The following JPH2 variants were observed in gnomAD, a reference collection of about 807,000 sequenced individuals.
JPH2 encodes the protein junctophilin-2.
In JPH2, 38 loss-of-function variants were observed where a neutral mutation model predicts 55.9. That is an observed-to-expected ratio of 0.68 (90% confidence interval 0.52 to 0.89). The LOEUF (loss-of-function observed/expected upper bound fraction) is 0.89. Ranked by LOEUF, JPH2 falls within the 40% of genes least tolerant of loss-of-function variation. JPH2 has a pLI of 0.00. For missense variants in JPH2, 964 were observed against 1,037.6 expected (o/e 0.93, Z 0.97); for synonymous variants, 480 against 472.4 (o/e 1.02, Z -0.21).
chr20:44,130,143 C>T (rs1051874485), intron 2 of JPH2, among the ~76,000 whole-genome samples: 34 of 152,166 alleles, frequency 2.2e-4, no homozygotes, highest in African/African-American at 7.7e-4. Context: ...GCGGAAGAAA[C>T]GCAGGCTCAG....
intron 1 of JPH2, among the ~76,000 whole-genome samples, chr20:44,167,485 TG>T (rs2072665188): frequency 6.6e-6 from 1 of 152,186 alleles, no homozygotes; most frequent in Admixed American, 6.5e-5. Flanking sequence ...TGGACAGCAC[TG>T]GCTGCCAAGG....
intron 2 of JPH2, among the ~76,000 whole-genome samples, chr20:44,146,495 T>A (rs1026354712): frequency 6.6e-6 from 1 of 152,132 alleles, no homozygotes; most frequent in Admixed American, 6.6e-5. Flanking sequence ...GCACCTCAGT[T>A]TCTGGGCACA....
At chr20:44,148,154 CCTT>C (rs1242660621) in intron 2 of JPH2, among the ~76,000 whole-genome samples, 2 of 152,022 alleles carry the variant, frequency 1.3e-5, no homozygotes, top group African/African-American at 2.4e-5. Flanking sequence ...CAGAGTGAGA[CCTT>C]CTCTCAAATA....
chr20:44,184,262 G>T (rs1441797241), intron 1 of JPH2, among the ~76,000 whole-genome samples: 3 of 152,016 alleles, frequency 2.0e-5, no homozygotes, highest in African/African-American at 7.3e-5. Flanking sequence ...AATTTCACAT[G>T]TCAAAAAGTG....
intron 1 of JPH2, among the ~76,000 whole-genome samples, chr20:44,175,843 TTG>T (rs2072729418): frequency 6.6e-6 from 1 of 152,108 alleles, no homozygotes; most frequent in Admixed American, 6.5e-5. Flanking sequence ...GCAGAAATGA[TTG>T]TGTGTGCAGA....
At chr20:44,153,816 A>G (rs2072547591) in intron 2 of JPH2, among the ~76,000 whole-genome samples, 1 of 152,188 alleles carries the variant, frequency 6.6e-6, no homozygotes, top group South Asian at 2.1e-4. Context: ...GTCTTCTAGA[A>G]GTTAGAAATT....
chr20:44,147,550 G>A (rs2072501616), intron 2 of JPH2, among the ~76,000 whole-genome samples: 1 of 152,222 alleles, frequency 6.6e-6, no homozygotes, highest in South Asian at 2.1e-4. Context: ...AACCAGAATA[G>A]GTAAGTAGAA....
At chr20:44,148,437 GC>G (rs2072507645) in intron 2 of JPH2, among the ~76,000 whole-genome samples, 2 of 152,198 alleles carry the variant, frequency 1.3e-5, no homozygotes, top group South Asian at 4.1e-4. Flanking sequence ...TGCTCTACGT[GC>G]CTGCCTCTGT....
At chr20:44,134,916 T>TATATATAAA (rs2072398032) in intron 2 of JPH2, among the ~76,000 whole-genome samples, 4 of 44,310 alleles carry the variant, frequency 9.0e-5, no homozygotes, top group African/African-American at 3.3e-4. Context: ...ATATATAAAA[T>TATATATAAA]ATATATATTT....
chr20:44,160,843 G>A lies in JPH2; in HGVS notation c.380-436C>T, dbSNP rs1471813441. 6.6e-6 allele frequency among the ~76,000 whole-genome samples: 1 copy of A among 152,226 alleles called. No individual in the cohort carries two copies. The highest frequency in any genetic ancestry group is 1.5e-5 in the Non-Finnish European group (1 of 68,048). On this transcript the variant is annotated intron_variant, in intron 1 of 5. Coordinates refer to ENST00000372980, the MANE Select transcript of JPH2 (RefSeq NM_020433.5). This position sits in a 1 kb window ranked among gnomAD's most constrained non-coding sequence, Gnocchi z 4.9. ...TCACGCCTGTAATCCCAGCACTTGG[G>A]AAGGTGGAGGCGGATGGATCGCTTG...
At chr20:44,163,785 T>C (rs6103661) in intron 1 of JPH2, among the ~76,000 whole-genome samples, 92,265 of 152,006 alleles carry the variant, frequency 0.61, 28,785 homozygotes, top group African/African-American at 0.76. Flanking sequence ...CCTTGGGCTT[T>C]ACCACCATCA....
At chr20:44,162,815 C>CACACACAT (rs2072624992) in intron 1 of JPH2, among the ~76,000 whole-genome samples, 2 of 142,424 alleles carry the variant, frequency 1.4e-5, no homozygotes, top group Admixed American at 1.4e-4. Flanking sequence ...CACACACACA[C>CACACACAT]ACACACACAT....
At chr20:44,126,857 C>T (rs1321064690) in intron 2 of JPH2, among the ~76,000 whole-genome samples, 1 of 152,216 alleles carries the variant, frequency 6.6e-6, no homozygotes, top group Non-Finnish European at 1.5e-5. Context: ...ATTTGTAGCA[C>T]CATCATCTAG....
rs936894679 is a variant in JPH2 at position 44,116,395 on chromosome 20, G to A, written c.1289-9C>T. On this transcript the variant is annotated splice_polypyrimidine_tract_variant and intron_variant, in intron 3 of 5. Transcript: ENST00000372980. ...CTTCTGATATTCCGGACCTGCCAGG[G>A]CAACACAGGGAGGCTGGGCTCGAAC... 4.5e-6 allele frequency: 7 copies of A among 1,546,834 alleles called. No individual in the cohort carries two copies. The highest frequency in any genetic ancestry group is 6.1e-6 in the Non-Finnish European group (7 of 1,146,524).
Position 44,150,099 on chromosome 20 carries a change from T to C in JPH2, c.1169+9519A>G, listed in dbSNP as rs550655796. Among the ~76,000 whole-genome samples, 4 of 151,206 alleles carry C rather than the reference T, an allele frequency of 2.6e-5. No individual in the cohort carries two copies. The East Asian group carries it at 7.8e-4, about 29-fold the overall frequency. ...TCATGCCAGAAAAATCTAATCTGAA[T>C]CCATTTGAGACAGAATTTACAGGAA... On this transcript the variant is annotated intron_variant, in intron 2 of 5. Coordinates refer to ENST00000372980, the MANE Select transcript of JPH2 (RefSeq NM_020433.5).
intron 2 of JPH2, among the ~76,000 whole-genome samples, chr20:44,119,030 T>C (rs1240782018): frequency 6.6e-6 from 1 of 152,230 alleles, no homozygotes; most frequent in Non-Finnish European, 1.5e-5. Flanking sequence ...ACAGATCCCT[T>C]TGGCAGTGTG....
chr20:44,121,847 G>T (rs1600832691), intron 2 of JPH2, among the ~76,000 whole-genome samples: 1 of 151,864 alleles, frequency 6.6e-6, no homozygotes, highest in East Asian at 1.9e-4. Flanking sequence ...AAAAAAATTA[G>T]CCAGGTGTGG....
chr20:44,161,495 C>G (rs1360832400), intron 1 of JPH2, among the ~76,000 whole-genome samples: 1 of 152,068 alleles, frequency 6.6e-6, no homozygotes, highest in East Asian at 1.9e-4. Flanking sequence ...CTGCCTCTGC[C>G]CTTACTAGCT....
Position 44,178,634 on chromosome 20 carries a change from G to T in JPH2, c.379+7693C>A, listed in dbSNP as rs1202095856. Among the ~76,000 whole-genome samples the T allele has an allele frequency of 3.3e-5, 5 of 152,068 alleles. No individual in the cohort carries two copies. The East Asian group carries it at 9.6e-4, about 29-fold the overall frequency. On this transcript the variant is annotated intron_variant, in intron 1 of 5. Transcript: ENST00000372980. ...GTTTTGTTTTTGTTTTTGAGACAGG[G>T]TCTCACTCTGTTGCCCAGGCTGAAG...
Sources: allele counts gnomAD v4.1 joint callset (sites outside exome capture counted in the v4.1 genomes callset), GRCh38; gene constraint gnomAD v4.1.1; non-coding constraint Gnocchi (gnomAD v3.1); transcripts MANE v1.5; gene names NCBI Gene and HGNC (gene_info 2026-07-23, HGNC 2026-07-21).